HERC2: variants seen among roughly 807,000 people sequenced by gnomAD.
The protein encoded by HERC2 is HECT and RLD domain containing E3 ubiquitin protein ligase 2.
In HERC2, 102 loss-of-function variants were observed where a neutral mutation model predicts 537.7. That is an observed-to-expected ratio of 0.19 (90% CI 0.16 to 0.22). The LOEUF (loss-of-function observed/expected upper bound fraction) is 0.22. Among genes scored for constraint, HERC2 ranks in the 10% least tolerant of loss-of-function variants. HERC2 has a pLI of 1.00. For synonymous variants in HERC2, 2,224 were observed against 2,466.2 expected (o/e 0.90, Z 2.91); for missense variants, 4,236 against 6,198.2 (o/e 0.68, Z 10.63).
At chr15:28,154,126 TGA>T (rs1312134883) in intron 69 of HERC2, among the ~76,000 whole-genome samples, 6 of 152,340 alleles carry the variant, frequency 3.9e-5, no homozygotes, top group Admixed American at 3.3e-4. Context: ...TAAAAATAAA[TGA>T]GAGAATACAT....
At chr15:28,284,586 T>C (rs1596388362) in intron 4 of HERC2, among the ~76,000 whole-genome samples, 1 of 151,462 alleles carries the variant, frequency 6.6e-6, no homozygotes, top group East Asian at 1.9e-4. Flanking sequence ...CAGCAGAAGT[T>C]GGCTACATTT....
At chr15:28,232,908 C>T (rs980375375) in intron 30 of HERC2, among the ~76,000 whole-genome samples, 7 of 152,194 alleles carry the variant, frequency 4.6e-5, no homozygotes, top group Non-Finnish European at 7.4e-5. Flanking sequence ...TTTTCAACAT[C>T]AATTTACTAG....
At chr15:28,189,636 C>T (rs557215723) in intron 55 of HERC2, among the ~76,000 whole-genome samples, 7 of 152,164 alleles carry the variant, frequency 4.6e-5, no homozygotes, top group East Asian at 1.9e-4. Context: ...GAATGTACTA[C>T]GTATTTCAAA....
chr15:28,156,599 T>C (rs1396865170), intron 69 of HERC2, among the ~76,000 whole-genome samples: 1 of 152,200 alleles, frequency 6.6e-6, no homozygotes, highest in African/African-American at 2.4e-5. Context: ...GCACATTGAT[T>C]TTGTATCCTG....
rs1344665375 is a variant in HERC2 at position 28,319,383 on chromosome 15, C to A, written c.72+1979G>T. Reference sequence around the variant, plus strand: ...GGCAGATCGCTTTGAGGTCAGGAGACCAGCCAGGCCAACACAGTGAAACCC... The same window carrying A: ...GGCAGATCGCTTTGAGGTCAGGAGAACAGCCAGGCCAACACAGTGAAACCC... On this transcript the variant is annotated intron_variant, in intron 2 of 92. Coordinates refer to ENST00000261609, the MANE Select transcript of HERC2 (RefSeq NM_004667.6). Among the ~76,000 whole-genome samples the A allele has an allele frequency of 3.4e-3, 513 of 151,334 alleles. 4 individuals carry two copies. The highest frequency in any genetic ancestry group is 0.012 in the African/African-American group (490 of 41,272).
In HERC2 at chr15:28,141,654, T is replaced by C. The variant is rs868824171; in HGVS notation, c.11817-24A>G. ...GCCTACAATACACATCAAGTGAGCA[T>C]TTGCCATGGGCAAGAACAATGCACA... is the stretch of plus-strand genomic sequence containing the variant. On this transcript the variant is annotated intron_variant, in intron 77 of 92. Coordinates refer to ENST00000261609, the MANE Select transcript of HERC2 (RefSeq NM_004667.6). 9 of 1,613,912 alleles carry C rather than the reference T, an allele frequency of 5.6e-6. No individual in the cohort carries two copies. The Middle Eastern group carries it at 1.3e-3, about 237-fold the overall frequency.
intron 4 of HERC2, among the ~76,000 whole-genome samples, chr15:28,281,974 T>C (rs543523292): frequency 2.0e-5 from 3 of 152,252 alleles, no homozygotes; most frequent in African/African-American, 7.2e-5. Flanking sequence ...CACGTGCCCT[T>C]CTCCCTGACA....
chr15:28,287,719 C>CTTTTTTTTTT (rs766216433), intron 4 of HERC2, among the ~76,000 whole-genome samples: 2 of 124,820 alleles, frequency 1.6e-5, no homozygotes, highest in African/African-American at 3.4e-5. Context: ...ACTTATTCCT[C>CTTTTTTTTTT]TTTTTTTTTT....
intron 35 of HERC2, 65 bp downstream of exon 35, chr15:28,228,150 GAAA>G: frequency 8.1e-7 from 1 of 1,238,896 alleles, no homozygotes; most frequent in Non-Finnish European, 1.1e-6. Context: ...AAAAAGAAAA[GAAA>G]AGAAAAGAAA....
In HERC2 at chr15:28,115,443, C is replaced by T. The variant is rs1350012976; in HGVS notation, c.13708G>A (p.Ala4570Thr). Residue 4570 changes from alanine to threonine, a missense_variant, in exon 89 of 93, where the codon GCG (alanine) becomes ACG (threonine). Ala to Thr is a moderately conservative substitution (Grantham distance 58). This residue lies in a region of HERC2 where 313 missense variants were observed against 462.6 expected (regional missense o/e 0.68). Transcript: ENST00000261609. ...KQLAGMSLTI[A>T]DLSEVDKDFI... ...CAGGGAGTTACCTCACTGAGGTCCG[C>T]GATGGTGAGGCTCATCCCAGCCAGC... The T allele has an allele frequency of 2.5e-6, 4 of 1,613,684 alleles. No homozygotes were observed. Among genetic ancestry groups the T allele is most frequent in the South Asian group, 1.1e-5 (1 of 91,034 alleles).
rs1028927270 is a variant in HERC2, at chr15:28,245,300, G to A, written c.3577+581C>T. 8.6e-5 allele frequency among the ~76,000 whole-genome samples: 13 copies of A among 152,024 alleles called. No individual in the cohort carries two copies. The South Asian group carries it at 1.2e-3, about 15-fold the overall frequency. ...AGTGGCTCATTCCTGTAATCCCAGC[G>A]CTTTGGGAGGCAGAGGCGGGTGGAT... is the stretch of plus-strand genomic sequence containing the variant. On this transcript the variant is annotated intron_variant, in intron 23 of 92. Transcript: ENST00000261609.
In HERC2 at chr15:28,316,362, A is replaced by G. The variant is rs569410080; in HGVS notation, c.72+5000T>C. Among the ~76,000 whole-genome samples, 65 of 152,056 alleles carry G rather than the reference A, an allele frequency of 4.3e-4. No individual in the cohort carries two copies. The East Asian group carries it at 8.5e-3, about 20-fold the overall frequency. ...AGTTAGTTCTTTAAAACACCAGGCC[A>G]GGCACAGTGGCTCATACATGTAATC... On this transcript the variant is annotated intron_variant, in intron 2 of 92. Coordinates refer to ENST00000261609, the MANE Select transcript of HERC2 (RefSeq NM_004667.6).
At position 28,182,470 on chromosome 15, in the gene HERC2, C is replaced by T. The variant is rs774694425; in HGVS notation, c.8868G>A (p.Thr2956=). The T allele has an allele frequency of 9.1e-5, 147 of 1,613,716 alleles. No homozygotes were observed. The Middle Eastern group carries it at 2.2e-3, about 24-fold the overall frequency. Residue 2956 remains threonine (T), a synonymous_variant, in exon 57 of 93, where the codon ACG becomes ACA. Transcript: ENST00000261609. ...CCCACACAAACACCTTGGTTCTTAT[C>T]GTAGCTGCTGATTCCAGCCCAGCAG... ...KKAAGLESAA[T]IRTKVFVWGL...
intron 88 of HERC2, 130 bp downstream of exon 88, chr15:28,116,535 G>T: frequency 2.0e-6 from 2 of 987,856 alleles, no homozygotes; most frequent in Non-Finnish European, 3.0e-6. Flanking sequence ...CATTTTTATT[G>T]GTAACAGTCT....
rs769891751 is a variant in HERC2 at position 28,202,402 on chromosome 15, G to A, written c.7425C>T (p.Ile2475=). The part of the protein sequence containing the change: ...LMEMGFSRRN[I]EFALKSLTGA... The stretch of plus-strand genomic sequence containing the variant: ...CAGTGAGAGACTTCAGGGCAAACTC[G>A]ATGTTCCTTCTGGAAAATCCCATCT... The change falls in exon 46 of 93, where the codon ATC becomes ATT. Residue 2475 remains isoleucine (I), a synonymous_variant. Transcript: ENST00000261609. 19 of 1,612,582 alleles carry A rather than the reference G, an allele frequency of 1.2e-5. No homozygotes were observed. The highest frequency in any genetic ancestry group is 4.4e-5 in the South Asian group (4 of 90,910).
Position 28,265,566 on chromosome 15 carries a change from C to T in HERC2, c.1870+52G>A, listed in dbSNP as rs1031449805. On this transcript the variant is annotated intron_variant, in intron 14 of 92. Coordinates refer to ENST00000261609, the MANE Select transcript of HERC2 (RefSeq NM_004667.6). The surrounding 1 kb of genome is among the most constrained non-coding windows in gnomAD (Gnocchi z 4.0). ...ACTCATCTCACTTCCTCCAGGGAAG[C>T]TGCCATGCGTGTCCTCGTGGGCCTG... The T allele has an allele frequency of 2.7e-6, 4 of 1,459,292 alleles. No homozygotes were observed. Among genetic ancestry groups the T allele is most frequent in the Non-Finnish European group, 3.8e-6 (4 of 1,042,206 alleles). 90.4% of individuals were successfully genotyped at this position (1,459,292 alleles called of 1,614,324 possible).
chr15:28,167,856 T>G (rs1310677546), intron 67 of HERC2, 29 bp from the exon 68 acceptor site: 3 of 1,576,494 alleles, frequency 1.9e-6, no homozygotes, highest in Non-Finnish European at 1.7e-6. Context: ...GTAGGGGAAG[T>G]TTAAGTGGAA....
chr15:28,114,909 A>C, intron 89 of HERC2, 107 bp from the exon 90 acceptor site: 13 of 886,350 alleles, frequency 1.5e-5, no homozygotes, highest in Non-Finnish European at 2.1e-5. Context: ...GGTCAGCCTC[A>C]AGTGCATCTC....
At chr15:28,129,830 G>A (rs1335305570) in intron 83 of HERC2, among the ~76,000 whole-genome samples, 1 of 149,746 alleles carries the variant, frequency 6.7e-6, no homozygotes, top group African/African-American at 2.5e-5. Context: ...AGGCTGGAGT[G>A]CAATGGCACG....
Sources: gnomAD v4.1 joint callset for allele counts (sites outside exome capture counted in the v4.1 genomes callset) on GRCh38, gnomAD v4.1.1 for gene constraint, gnomAD v4.1.1 regional missense constraint, Gnocchi (gnomAD v3.1) non-coding constraint, MANE v1.5 for transcripts, NCBI Gene and HGNC (gene_info 2026-07-23, HGNC 2026-07-21) for gene names.